The following AGAP1 variants were observed in gnomAD, a reference collection of about 807,000 sequenced individuals.
AGAP1 encodes ArfGAP with GTPase domain, ankyrin repeat and PH domain 1.
Under a neutral mutation model 105.3 loss-of-function variants are expected in AGAP1, and 29 were observed. That is an observed-to-expected ratio of 0.28 (90% CI 0.21 to 0.38). AGAP1 has a LOEUF of 0.38. AGAP1 is among the 10% of genes least tolerant of loss of function. The probability of loss-of-function intolerance (pLI) is 1.00; values close to 1 mark genes in which losing one functional copy is unlikely to be tolerated. For synonymous variants in AGAP1, 509 were observed against 485.9 expected (o/e 1.05, Z -0.63); for missense variants, 998 against 1,165.1 (o/e 0.86, Z 2.09).
Position 235,610,317 on chromosome 2 carries a change from C to T in AGAP1, c.164-98862C>T, listed in dbSNP as rs1946084552. Among the ~76,000 whole-genome samples, 1 of 152,134 alleles carries T rather than the reference C, an allele frequency of 6.6e-6. No homozygotes were observed. Among genetic ancestry groups the T allele is most frequent in the African/African-American group, 2.4e-5 (1 of 41,430 alleles). On this transcript the variant is annotated intron_variant, in intron 1 of 17. Coordinates refer to ENST00000304032, the MANE Select transcript of AGAP1 (RefSeq NM_001037131.3). This position sits in a 1 kb window ranked among gnomAD's most constrained non-coding sequence, Gnocchi z 4.9. ...TTGGAGTCCACCGTGCACTTGTCCG[C>T]TTGGGCTGCCATAACAAAATACCAG... is the stretch of plus-strand genomic sequence containing the variant.
intron 16 of AGAP1, among the ~76,000 whole-genome samples, chr2:236,099,136 A>C (rs888098032): frequency 2.0e-5 from 3 of 152,034 alleles, no homozygotes; most frequent in Non-Finnish European, 4.4e-5. Flanking sequence ...GTCAGGTTTC[A>C]AAATATATTT....
intron 1 of AGAP1, among the ~76,000 whole-genome samples, chr2:235,547,979 T>C (rs1366551851): frequency 6.6e-6 from 1 of 152,262 alleles, no homozygotes; most frequent in Non-Finnish European, 1.5e-5. Context: ...TCCTGAATTA[T>C]TTCATGAGAA....
Position 235,719,616 on chromosome 2 carries a change from GGGTGA to G in AGAP1, c.310+1974_310+1978del, listed in dbSNP as rs777607699. 3.9e-5 allele frequency among the ~76,000 whole-genome samples: 6 copies of G among 152,186 alleles called. No homozygotes were observed. The highest frequency in any genetic ancestry group is 8.8e-5 in the Non-Finnish European group (6 of 68,030). ...ACATTATTTTTAAGAGTAGGAGCGT[GGGTGA>G]GTACCTTCCTTTCTTCATCTGCAAA... On this transcript the variant is annotated intron_variant, in intron 3 of 17. Transcript: ENST00000304032. The surrounding 1 kb of genome is among the most constrained non-coding windows in gnomAD (Gnocchi z 4.9).
chr2:235,520,542 C>A (rs573558645), intron 1 of AGAP1, among the ~76,000 whole-genome samples: 103 of 152,160 alleles, frequency 6.8e-4, no homozygotes, highest in African/African-American at 2.4e-3. Flanking sequence ...CCTTTCTGGG[C>A]GGGTCTGTGT....
chr2:235,797,887 G>C lies in AGAP1; in HGVS notation c.801+1G>C. 1 of 1,614,056 alleles carries C rather than the reference G, an allele frequency of 6.2e-7. No individual in the cohort carries two copies. The highest frequency in any genetic ancestry group is 1.1e-5 in the South Asian group (1 of 91,050). Reference sequence around the variant, plus strand: ...GGTGTCTGCCGTGCACATCAGCCAGGTACGTTAGGTGACATGAGAAGTCAG... The same window carrying C: ...GGTGTCTGCCGTGCACATCAGCCAGCTACGTTAGGTGACATGAGAAGTCAG... On this transcript the variant is annotated splice_donor_variant, in intron 7 of 17. Transcript: ENST00000304032. LOFTEE classifies it high-confidence loss of function.
At chr2:235,791,454 G>T (rs1196431203) in intron 6 of AGAP1, among the ~76,000 whole-genome samples, 1 of 151,974 alleles carries the variant, frequency 6.6e-6, no homozygotes, top group Non-Finnish European at 1.5e-5. Context: ...GGATGGATTA[G>T]GGACAAACTG....
At position 235,844,454 on chromosome 2, in the gene AGAP1, A is replaced by G. The variant is rs142557998; in HGVS notation, c.1050+37123A>G. Among the ~76,000 whole-genome samples the G allele has an allele frequency of 8.3e-3, 1,268 of 152,224 alleles. 13 individuals are homozygous for G. The highest frequency in any genetic ancestry group is 0.029 in the African/African-American group (1,208 of 41,540). On this transcript the variant is annotated intron_variant, in intron 9 of 17. Transcript: ENST00000304032. Reference sequence around the variant, plus strand: ...TTGGATTTGCATATAAAATTTTATCATTTTTAAATGTTGGCAACTGATTCC... The same window carrying G: ...TTGGATTTGCATATAAAATTTTATCGTTTTTAAATGTTGGCAACTGATTCC...
Position 235,855,880 on chromosome 2 carries a change from C to T in AGAP1, c.1051-27465C>T, listed in dbSNP as rs895426053. On this transcript the variant is annotated intron_variant, in intron 9 of 17. Transcript: ENST00000304032. This position sits in a 1 kb window ranked among gnomAD's most constrained non-coding sequence, Gnocchi z 5.0. ...TGCATTCCCAGGGGGTCAGCCTTGT[C>T]TCAGAAGTACTGAGAATATTATTAT... Among the ~76,000 whole-genome samples, 1 of 152,072 alleles carries T rather than the reference C, an allele frequency of 6.6e-6. No individual in the cohort carries two copies. Among genetic ancestry groups the T allele is most frequent in the East Asian group, 1.9e-4 (1 of 5,194 alleles).
At chr2:235,870,909 C>T (rs1291171249) in intron 9 of AGAP1, among the ~76,000 whole-genome samples, 1 of 152,228 alleles carries the variant, frequency 6.6e-6, no homozygotes, top group African/African-American at 2.4e-5. Context: ...TTTCTCTGTG[C>T]ATTTTAATCC....
intron 13 of AGAP1, among the ~76,000 whole-genome samples, chr2:235,999,690 GTGGTGA>G (rs2056026513): frequency 7.0e-6 from 1 of 143,576 alleles, no homozygotes; most frequent in African/African-American, 2.8e-5. Context: ...GGTGGTCGTG[GTGGTGA>G]TGATAGTGGT....
chr2:235,833,332 A>G (rs1959682926), intron 9 of AGAP1, among the ~76,000 whole-genome samples: 1 of 152,254 alleles, frequency 6.6e-6, no homozygotes, highest in African/African-American at 2.4e-5. Context: ...TTAGAAACTT[A>G]GAAAAATCAT....
intron 1 of AGAP1, among the ~76,000 whole-genome samples, chr2:235,703,562 T>TTCCCCTCCCCCGCTTCCC (rs1299019767): frequency 7.7e-5 from 3 of 39,014 alleles, no homozygotes; most frequent in South Asian, 9.9e-4. Flanking sequence ...CTCCCCCTCC[T>TTCCCCTCCCCCGCTTCCC]TCCCCTCCCC....
rs1334542202 is a variant in AGAP1, at chr2:236,082,467, G to A, written c.2114+33186G>A. 1.3e-5 allele frequency among the ~76,000 whole-genome samples: 2 copies of A among 150,984 alleles called. No homozygotes were observed. The highest frequency in any genetic ancestry group is 2.5e-5 in the African/African-American group (1 of 40,338). The stretch of plus-strand genomic sequence containing the variant: ...CTGCCCATTTGATCTCTCAGGGAGG[G>A]AGAGCTTTTCCTAAGCATCGATCCC... On this transcript the variant is annotated intron_variant, in intron 16 of 17. Transcript: ENST00000304032. This position sits in a 1 kb window ranked among gnomAD's most constrained non-coding sequence, Gnocchi z 4.2.
At chr2:235,727,145 G>T (rs1473167742) in intron 3 of AGAP1, among the ~76,000 whole-genome samples, 2 of 152,216 alleles carry the variant, frequency 1.3e-5, no homozygotes, top group East Asian at 1.9e-4. Context: ...AGTATCACAG[G>T]TTGGAGGGGA....
At chr2:235,803,016 ATGGTGG>A (rs745665196) in intron 8 of AGAP1, among the ~76,000 whole-genome samples, 10 of 1,744 alleles carry the variant, frequency 5.7e-3, no homozygotes, top group East Asian at 0.017. Flanking sequence ...TGTGGTTGTG[ATGGTGG>A]TGATGGTTGT....
In AGAP1 at chr2:235,639,830, C is replaced by A. The variant is rs1004409907; in HGVS notation, c.164-69349C>A. On this transcript the variant is annotated intron_variant, in intron 1 of 17. Coordinates refer to ENST00000304032, the MANE Select transcript of AGAP1 (RefSeq NM_001037131.3). This position sits in a 1 kb window ranked among gnomAD's most constrained non-coding sequence, Gnocchi z 5.3. ...AGCAGGTTAAACTGTTCTCGGACTT[C>A]TTTTTGGATTATTTGCAACGTCTTG... Among the ~76,000 whole-genome samples the A allele has an allele frequency of 6.6e-6, 1 of 152,188 alleles. No individual in the cohort carries two copies. Among genetic ancestry groups the A allele is most frequent in the African/African-American group, 2.4e-5 (1 of 41,432 alleles).
chr2:235,500,687 G>C (rs1041948402), intron 1 of AGAP1, among the ~76,000 whole-genome samples: 6 of 152,284 alleles, frequency 3.9e-5, no homozygotes, highest in Non-Finnish European at 7.4e-5. Flanking sequence ...GTTTCAAGCT[G>C]GTGTTCATGT....
chr2:235,794,309 G>C (rs996009013), intron 6 of AGAP1, among the ~76,000 whole-genome samples: 3 of 152,160 alleles, frequency 2.0e-5, no homozygotes, highest in African/African-American at 7.2e-5. Flanking sequence ...AGTCTCAGGA[G>C]GGTAATTAAA....
In AGAP1 at chr2:235,740,994, T is replaced by C. The variant is rs2149662177; in HGVS notation, c.342T>C (p.Asp114=). The part of the protein sequence containing the change: ...GGRFKKEIVV[D]GQSYLLLIRD... Reference sequence around the variant, plus strand: ...GGTTCAAGAAAGAGATTGTCGTTGATGGACAGAGCTATCTGCTGCTGATCA... The same window carrying C: ...GGTTCAAGAAAGAGATTGTCGTTGACGGACAGAGCTATCTGCTGCTGATCA... The change falls in exon 4 of 18, where the codon GAT becomes GAC. Residue 114 remains aspartate, a synonymous_variant. Coordinates refer to ENST00000304032, the MANE Select transcript of AGAP1 (RefSeq NM_001037131.3). This position sits in a 1 kb window ranked among gnomAD's most constrained non-coding sequence, Gnocchi z 5.7. 2 of 1,614,186 alleles carry C rather than the reference T, an allele frequency of 1.2e-6. No homozygotes were observed. The highest frequency in any genetic ancestry group is 2.2e-5 in the East Asian group (1 of 44,874).
Sources: gnomAD v4.1 joint callset for allele counts (sites outside exome capture counted in the v4.1 genomes callset) on GRCh38, gnomAD v4.1.1 for gene constraint, Gnocchi (gnomAD v3.1) non-coding constraint, MANE v1.5 for transcripts, NCBI Gene and HGNC (gene_info 2026-07-23, HGNC 2026-07-21) for gene names.